Variants in KATNBL1 observed in about 807,000 individuals in gnomAD.
The protein encoded by KATNBL1 is KATNB1-like protein 1.
Under a neutral mutation model 44.7 loss-of-function variants are expected in KATNBL1, and 28 were observed. That is an observed-to-expected ratio of 0.63 (90% CI 0.46 to 0.86). The LOEUF is 0.86. Ranked by LOEUF, KATNBL1 falls within the 40% of genes least tolerant of loss-of-function variation. KATNBL1 has a pLI of 0.00. For synonymous variants in KATNBL1, 78 were observed against 114.9 expected, an observed-to-expected ratio of 0.68 and a Z score of 2.06; for missense variants, 272 against 350.7, an observed-to-expected ratio of 0.78 and a Z score of 1.79.
At chr15:34,173,453 T>C (rs1325197573) in intron 1 of KATNBL1, among the ~76,000 whole-genome samples, 1 of 152,126 alleles carries the variant, frequency 6.6e-6, no homozygotes. Flanking sequence ...AAATTTTATA[T>C]CCAGCCAAAT....
intron 5 of KATNBL1, 146 bp downstream of exon 5, chr15:34,148,486 G>A (rs1888375378): frequency 3.6e-6 from 2 of 548,978 alleles, no homozygotes; most frequent in Non-Finnish European, 6.7e-6. Flanking sequence ...TACTCAGGAG[G>A]CTGAGGTGGG....
At chr15:34,207,465 C>G (rs188158359) in intron 1 of KATNBL1, among the ~76,000 whole-genome samples, 38 of 152,282 alleles carry the variant, frequency 2.5e-4, no homozygotes, top group Admixed American at 9.2e-4. Context: ...GCCTCAGCCT[C>G]CCAAAGTGCT....
chr15:34,194,204 T>C (rs1266989822), intron 1 of KATNBL1, among the ~76,000 whole-genome samples: 3 of 152,210 alleles, frequency 2.0e-5, no homozygotes, highest in African/African-American at 7.2e-5. Context: ...GCTCACAAAG[T>C]GGTGGGATTA....
rs551737938 is a variant in KATNBL1 at position 34,163,475 on chromosome 15, C to T, written c.117+85G>A. 3.8e-4 allele frequency: 545 copies of T among 1,440,278 alleles called. 2 individuals are homozygous for T. In the African/African-American group the frequency reaches 6.8e-3, roughly 18 times the overall value. The allele number at this position is 1,440,278 out of a possible 1,614,324, so 89.2% of individuals were successfully genotyped here. On this transcript the variant is annotated intron_variant, in intron 2 of 9. Transcript: ENST00000256544. ...AGATTAAGCAGAATTATTATCCTCC[C>T]ATTGTTTAAACAATTCAACCAGAGA...
intron 1 of KATNBL1, chr15:34,199,604 A>G (rs7181990): frequency 0.98 from 149,004 of 152,474 alleles, 72,890 homozygotes; most frequent in East Asian, 1. Context: ...GTGGACCTTC[A>G]CGCTGTTACA....
intron 1 of KATNBL1, among the ~76,000 whole-genome samples, chr15:34,201,398 G>A (rs1890173402): frequency 6.6e-6 from 1 of 152,164 alleles, no homozygotes; most frequent in South Asian, 2.1e-4. Flanking sequence ...GAGAAACTGG[G>A]GACAAAAGTC....
intron 1 of KATNBL1, among the ~76,000 whole-genome samples, chr15:34,171,912 A>T (rs1889173329): frequency 7.1e-6 from 1 of 140,926 alleles, no homozygotes; most frequent in African/African-American, 2.6e-5. Context: ...CAGGGCGGGG[A>T]ACATCACACA....
chr15:34,145,204 T>G, intron 9 of KATNBL1, 194 bp downstream of exon 9: 1 of 1,376,714 alleles, frequency 7.3e-7, no homozygotes. Context: ...ACATGTTCAA[T>G]GGCCAATTCC....
intron 5 of KATNBL1, chr15:34,148,305 T>C (rs183199515): frequency 1.1e-3 from 175 of 166,084 alleles, no homozygotes; most frequent in African/African-American, 4.0e-3. Context: ...GGAATGTAAT[T>C]TAAGCCATAC....
chr15:34,191,377 A>G (rs1321698287), intron 1 of KATNBL1, among the ~76,000 whole-genome samples: 12 of 151,862 alleles, frequency 7.9e-5, no homozygotes, highest in Admixed American at 4.6e-4. Context: ...TTTCACTATT[A>G]TTAGTAAAAT....
chr15:34,161,917 A>G (rs1888820653), intron 2 of KATNBL1, among the ~76,000 whole-genome samples: 1 of 152,212 alleles, frequency 6.6e-6, no homozygotes, highest in Non-Finnish European at 1.5e-5. Context: ...AATATAAGGA[A>G]GCTGAACATA....
intron 2 of KATNBL1, among the ~76,000 whole-genome samples, chr15:34,159,650 C>A (rs1471248971): frequency 6.6e-6 from 1 of 152,140 alleles, no homozygotes; most frequent in Non-Finnish European, 1.5e-5. Flanking sequence ...TGATTCCCAT[C>A]TTTTGACCAT....
rs764549894 is a variant in KATNBL1 at position 34,146,767 on chromosome 15, T to C, written c.782A>G (p.Asn261Ser). 7 of 1,586,964 alleles carry C rather than the reference T, an allele frequency of 4.4e-6. No homozygotes were observed. The highest frequency in any genetic ancestry group is 6.1e-6 in the Non-Finnish European group (7 of 1,155,552). Residue 261 changes from asparagine to serine, a missense_variant, in exon 8 of 10, where the codon AAT becomes AGT. Asn to Ser is a conservative substitution (Grantham distance 46, BLOSUM62 1). Transcript: ENST00000256544. ...TCTTTAAAGGTATACTCACCCATCA[T>C]TTATAATTTCTGTTTTGGATGATAG... ...SELSSKTEIINDGNIQILKQQ... is the reference protein window; with the variant it reads ...SELSSKTEIISDGNIQILKQQ...
intron 1 of KATNBL1, among the ~76,000 whole-genome samples, chr15:34,169,462 A>C (rs1187868916): frequency 6.6e-6 from 1 of 152,190 alleles, no homozygotes; most frequent in Admixed American, 6.5e-5. Flanking sequence ...CCTACCAACC[A>C]AAAAAAGTCC....
At chr15:34,146,723 A>G in intron 8 of KATNBL1, 38 bp downstream of exon 8, 1 of 1,207,108 alleles carries the variant, frequency 8.3e-7, no homozygotes, top group Non-Finnish European at 1.2e-6. Flanking sequence ...TTCCTGAAGA[A>G]AATTTCAGCA....
chr15:34,209,875 A>G (rs1890389663), intron 1 of KATNBL1, 76 bp downstream of exon 1: 1 of 151,068 alleles, frequency 6.6e-6, no homozygotes, highest in East Asian at 1.9e-4. Flanking sequence ...GGGCGCGGCC[A>G]AGCCCGGCTG....
At chr15:34,207,051 T>C (rs1158364495) in intron 1 of KATNBL1, among the ~76,000 whole-genome samples, 5 of 151,794 alleles carry the variant, frequency 3.3e-5, no homozygotes, top group African/African-American at 1.2e-4. Context: ...TTTTTTTTTT[T>C]TTCCCTGAGA....
At chr15:34,159,634 C>T (rs1170580686) in intron 2 of KATNBL1, among the ~76,000 whole-genome samples, 2 of 152,106 alleles carry the variant, frequency 1.3e-5, no homozygotes, top group African/African-American at 4.8e-5. Context: ...AATCTGTAAC[C>T]TTCCTTGATT....
chr15:34,170,619 T>C (rs528162941), intron 1 of KATNBL1, among the ~76,000 whole-genome samples: 132 of 152,230 alleles, frequency 8.7e-4, no homozygotes, highest in African/African-American at 3.0e-3. Context: ...AAAAAGAGCC[T>C]GCATTGCCAA....
Sources: gnomAD v4.1 joint callset for allele counts (sites outside exome capture counted in the v4.1 genomes callset) on GRCh38, gnomAD v4.1.1 for gene constraint, MANE v1.5 for transcripts, NCBI Gene and HGNC (gene_info 2026-07-23, HGNC 2026-07-21) for gene names.